The following LGR5 variants were observed in gnomAD, a reference collection of about 807,000 sequenced individuals.
LGR5 encodes leucine-rich repeat-containing G protein-coupled receptor 5.
LGR5 carries 54 observed loss-of-function variants against 76.7 expected under a neutral mutation model. That is an observed-to-expected ratio of 0.70 (90% CI 0.57 to 0.88). The LOEUF is 0.88. Ranked by LOEUF, LGR5 falls within the 40% of genes least tolerant of loss-of-function variation. The probability of loss-of-function intolerance (pLI) is 0.00; values close to 1 mark genes in which losing one functional copy is unlikely to be tolerated. For missense variants in LGR5, 1,078 were observed against 1,073.3 expected, an observed-to-expected ratio of 1.00 and a Z score of -0.06; for synonymous variants, 406 against 421.9, an observed-to-expected ratio of 0.96 and a Z score of 0.46.
chr12:71,551,973 C>A (rs559650226), intron 4 of LGR5, among the ~76,000 whole-genome samples: 1 of 151,992 alleles, frequency 6.6e-6, no homozygotes, highest in Non-Finnish European at 1.5e-5. Context: ...AGGATAGGGC[C>A]CCTTCTCTGT....
intron 8 of LGR5, among the ~76,000 whole-genome samples, chr12:71,565,994 C>A (rs1269256553): frequency 6.6e-6 from 1 of 152,024 alleles, no homozygotes; most frequent in Non-Finnish European, 1.5e-5. Context: ...GATATAATAA[C>A]CTTCAGTTGA....
intron 2 of LGR5, among the ~76,000 whole-genome samples, chr12:71,515,831 A>C (rs746118800): frequency 6.6e-6 from 1 of 152,234 alleles, no homozygotes; most frequent in African/African-American, 2.4e-5. Flanking sequence ...AAGAATTATC[A>C]TGTTCAAGTT....
At position 71,535,076 on chromosome 12, in the gene LGR5, T is replaced by C. The variant is rs756450948; in HGVS notation, c.357-39T>C. 6 of 1,422,202 alleles carry C rather than the reference T, an allele frequency of 4.2e-6. No homozygotes were observed. In the South Asian group the frequency reaches 7.0e-5, roughly 17 times the overall value. 88.1% of individuals were successfully genotyped at this position (1,422,202 alleles called of 1,614,324 possible). On this transcript the variant is annotated intron_variant, in intron 3 of 17. Coordinates refer to ENST00000266674, the MANE Select transcript of LGR5 (RefSeq NM_003667.4). The stretch of plus-strand genomic sequence containing the variant: ...CCTTGTTTAGGCCTGTTATTGTTCA[T>C]TTTTTTTAACATTTTTCTTTATTTC...
chr12:71,553,994 G>C (rs1220546069), intron 5 of LGR5, among the ~76,000 whole-genome samples: 3 of 152,168 alleles, frequency 2.0e-5, no homozygotes, highest in Non-Finnish European at 4.4e-5. Flanking sequence ...GGGAGGCTGA[G>C]GCCGGAGGAT....
intron 6 of LGR5, among the ~76,000 whole-genome samples, chr12:71,557,577 C>G (rs916828998): frequency 5.3e-5 from 8 of 152,074 alleles, no homozygotes; most frequent in African/African-American, 1.7e-4. Context: ...TAATTGGTAC[C>G]TATAGTAAAA....
At chr12:71,505,296 A>C (rs1874798639) in intron 2 of LGR5, among the ~76,000 whole-genome samples, 1 of 152,264 alleles carries the variant, frequency 6.6e-6, no homozygotes, top group African/African-American at 2.4e-5. Flanking sequence ...TTAATGATAC[A>C]CAGAGGAATT....
At chr12:71,544,324 T>C (rs1877046405) in intron 4 of LGR5, among the ~76,000 whole-genome samples, 1 of 148,606 alleles carries the variant, frequency 6.7e-6, no homozygotes, top group African/African-American at 2.5e-5. Flanking sequence ...TTCTTTTTTT[T>C]TTTTTTGTTA....
chr12:71,515,659 A>G (rs1875399035), intron 2 of LGR5, among the ~76,000 whole-genome samples: 1 of 152,216 alleles, frequency 6.6e-6, no homozygotes, highest in Non-Finnish European at 1.5e-5. Context: ...ATTAAGCCTG[A>G]TAGCCCTCAT....
At chr12:71,487,358 G>A (rs930910262) in intron 1 of LGR5, among the ~76,000 whole-genome samples, 2 of 152,140 alleles carry the variant, frequency 1.3e-5, no homozygotes, top group African/African-American at 4.8e-5. Context: ...GTGAAACCAT[G>A]GGGGAATTTC....
chr12:71,447,580 A>C lies in LGR5; in HGVS notation c.212+7288A>C, dbSNP rs568298548. On this transcript the variant is annotated intron_variant, in intron 1 of 17. Transcript: ENST00000266674. The stretch of plus-strand genomic sequence containing the variant: ...TTTTCTATATGCACATTTTCCACAC[A>C]CTCATTTTATCCTTCTTGCCTTCAG... 4.6e-5 allele frequency among the ~76,000 whole-genome samples: 7 copies of C among 152,160 alleles called. 1 individual carries two copies. In the South Asian group the frequency reaches 1.2e-3, roughly 27 times the overall value.
intron 3 of LGR5, among the ~76,000 whole-genome samples, chr12:71,525,435 C>T (rs1215058378): frequency 4.0e-5 from 6 of 149,886 alleles, no homozygotes; most frequent in African/African-American, 1.5e-4. Flanking sequence ...AGAAGAAATG[C>T]TTTTAAGTTG....
intron 1 of LGR5, among the ~76,000 whole-genome samples, chr12:71,467,931 G>A (rs1186951634): frequency 1.3e-5 from 2 of 152,166 alleles, no homozygotes; most frequent in East Asian, 1.9e-4. Context: ...ACAAAGTTGA[G>A]AGAAATGCTT....
chr12:71,531,761 A>T (rs1029538300), intron 3 of LGR5, among the ~76,000 whole-genome samples: 2 of 152,110 alleles, frequency 1.3e-5, no homozygotes, highest in Admixed American at 6.6e-5. Context: ...CCAGCTACTC[A>T]GGAGACTGAG....
chr12:71,572,815 C>T (rs1208297773), intron 12 of LGR5, 35 bp from the exon 13 acceptor site: 1 of 1,558,832 alleles, frequency 6.4e-7, no homozygotes, highest in African/African-American at 1.4e-5. Flanking sequence ...AAACCAGTAA[C>T]TTTGAAATCA....
intron 1 of LGR5, among the ~76,000 whole-genome samples, chr12:71,480,275 C>T (rs534518236): frequency 8.0e-5 from 12 of 150,622 alleles, no homozygotes; most frequent in Non-Finnish European, 1.5e-4. Context: ...GAGGCAGACA[C>T]GCTTGAACCT....
At chr12:71,451,804 A>G (rs1245426532) in intron 1 of LGR5, among the ~76,000 whole-genome samples, 2 of 152,148 alleles carry the variant, frequency 1.3e-5, no homozygotes, top group Non-Finnish European at 2.9e-5. Context: ...CTGCTCCTAG[A>G]GAGACTGCCC....
intron 11 of LGR5, chr12:71,567,269 C>T: frequency 9.6e-6 from 2 of 208,652 alleles, no homozygotes; most frequent in South Asian, 9.8e-5. Context: ...AATATGGATG[C>T]CAAAATCAAA....
intron 1 of LGR5, among the ~76,000 whole-genome samples, chr12:71,479,551 G>A (rs1873492608): frequency 6.6e-6 from 1 of 152,146 alleles, no homozygotes; most frequent in Non-Finnish European, 1.5e-5. Context: ...TGAAAAGAAT[G>A]GAGAGGAGGG....
chr12:71,526,193 C>T (rs1279432841), intron 3 of LGR5, among the ~76,000 whole-genome samples: 1 of 152,020 alleles, frequency 6.6e-6, no homozygotes, highest in Non-Finnish European at 1.5e-5. Flanking sequence ...GATATTGACC[C>T]AATGCTGTAT....
Sources: allele counts gnomAD v4.1 joint callset (sites outside exome capture counted in the v4.1 genomes callset), GRCh38; gene constraint gnomAD v4.1.1; transcripts MANE v1.5; gene names NCBI Gene and HGNC (gene_info 2026-07-23, HGNC 2026-07-21).